CRISPLD2: variants seen among roughly 807,000 people sequenced by gnomAD.
CRISPLD2 encodes cysteine-rich secretory protein LCCL domain-containing 2.
A neutral mutation model predicts 71.1 loss-of-function variants in CRISPLD2; 47 were observed. The ratio of observed to expected loss-of-function variants is 0.66; its 90% CI spans 0.52 to 0.84. The LOEUF is 0.84. Among genes scored for constraint, CRISPLD2 ranks in the 40% least tolerant of loss-of-function variants. The pLI, the probability that CRISPLD2 is intolerant of heterozygous loss-of-function variation, is 0.00. For synonymous variants in CRISPLD2, 317 were observed against 250.1 expected (o/e 1.27, Z -2.52); for missense variants, 830 against 651.1 (o/e 1.27, Z -2.99).
At chr16:84,863,886 G>A (rs1192862082) in intron 6 of CRISPLD2, among the ~76,000 whole-genome samples, 2 of 148,286 alleles carry the variant, frequency 1.3e-5, no homozygotes, top group African/African-American at 5.0e-5. Context: ...GAACCCGGGC[G>A]GCGGAGGTTG....
Position 84,906,725 on chromosome 16 carries a change from T to C in CRISPLD2, c.*83T>C. 1 of 1,494,318 alleles carries C rather than the reference T, an allele frequency of 6.7e-7. No homozygotes were observed. The highest frequency in any genetic ancestry group is 9.3e-7 in the Non-Finnish European group (1 of 1,071,604). 92.6% of individuals were successfully genotyped at this position (1,494,318 alleles called of 1,614,324 possible). On this transcript the variant is annotated 3_prime_UTR_variant, in exon 15 of 15. Coordinates refer to ENST00000262424, the MANE Select transcript of CRISPLD2 (RefSeq NM_031476.4). ...ATTTTTATTTTGTCATTGCGGGGTATATGGAGAGTCAGGAAACTTCCTTTG... is the reference window on the plus strand; with the variant it reads ...ATTTTTATTTTGTCATTGCGGGGTACATGGAGAGTCAGGAAACTTCCTTTG...
chr16:84,852,847 G>A (rs745860684), intron 5 of CRISPLD2, among the ~76,000 whole-genome samples: 2 of 152,138 alleles, frequency 1.3e-5, no homozygotes, highest in South Asian at 2.1e-4. Context: ...CAGGAGAATC[G>A]CTTGAGTCCA....
At chr16:84,880,690 G>A in intron 13 of CRISPLD2, 106 bp downstream of exon 13, 1 of 666,778 alleles carries the variant, frequency 1.5e-6, no homozygotes, top group Non-Finnish European at 2.6e-6. Flanking sequence ...GTGCCTCTTA[G>A]CTAAATTAAT....
chr16:84,828,679 TC>T (rs1388456327), intron 1 of CRISPLD2, among the ~76,000 whole-genome samples: 1 of 152,088 alleles, frequency 6.6e-6, no homozygotes, highest in East Asian at 1.9e-4. Flanking sequence ...TATTACCTGG[TC>T]CCTTAAAAGT....
At chr16:84,905,705 C>G (rs1324244878) in intron 14 of CRISPLD2, among the ~76,000 whole-genome samples, 2 of 100,686 alleles carry the variant, frequency 2.0e-5, no homozygotes, top group Non-Finnish European at 3.8e-5. Flanking sequence ...ACCAATAAAG[C>G]TCTTTTTTTT....
intron 13 of CRISPLD2, among the ~76,000 whole-genome samples, chr16:84,885,797 A>G (rs1160263182): frequency 6.8e-6 from 1 of 147,990 alleles, no homozygotes; most frequent in East Asian, 2.0e-4. Context: ...TTAATGTGGG[A>G]ATGTTGGATC....
chr16:84,866,782 C>T, intron 6 of CRISPLD2, 115 bp from the exon 7 acceptor site: 2 of 1,004,136 alleles, frequency 2.0e-6, no homozygotes, highest in Admixed American at 4.6e-5. Context: ...TGAAATGATT[C>T]TTTGTAAAAC....
intron 8 of CRISPLD2, 81 bp from the exon 9 acceptor site, chr16:84,872,361 C>T (rs1040799855): frequency 6.4e-5 from 73 of 1,149,468 alleles, no homozygotes; most frequent in Non-Finnish European, 7.7e-5. Flanking sequence ...ATAGAGCCAT[C>T]GATGAAAAAA....
In CRISPLD2 at chr16:84,903,726, A is replaced by G. The variant is rs186761825; in HGVS notation, c.1440-2862A>G. Among the ~76,000 whole-genome samples the G allele has an allele frequency of 4.8e-4, 73 of 152,382 alleles. No individual in the cohort carries two copies. In the East Asian group the frequency reaches 0.013, roughly 26 times the overall value. On this transcript the variant is annotated intron_variant, in intron 14 of 14. Transcript: ENST00000262424. ...GGTGAGATTTGCAGAATGCCAAAGC[A>G]GGATGCATGGGAAATCTTATTCCCA... is the stretch of plus-strand genomic sequence containing the variant.
In CRISPLD2 at chr16:84,824,163, G is replaced by T. The variant is rs55792530; in HGVS notation, c.-75+4030G>T. ...CGAGGGTGCCCCAGGCAGAGGCACC[G>T]TGTGTGTGCAAAGGCCTGCAGGTGG... On this transcript the variant is annotated intron_variant, in intron 1 of 14. Coordinates refer to ENST00000262424, the MANE Select transcript of CRISPLD2 (RefSeq NM_031476.4). Among the ~76,000 whole-genome samples the T allele has an allele frequency of 2.2e-3, 338 of 152,278 alleles. 2 individuals carry two copies. Among genetic ancestry groups the T allele is most frequent in the African/African-American group, 7.7e-3 (322 of 41,550 alleles).
intron 6 of CRISPLD2, among the ~76,000 whole-genome samples, chr16:84,861,105 A>T (rs1917367114): frequency 6.6e-6 from 1 of 152,198 alleles, no homozygotes; most frequent in African/African-American, 2.4e-5. Context: ...TTTATTGTGC[A>T]TAACTCTCCA....
At chr16:84,873,832 A>G (rs917543712) in intron 10 of CRISPLD2, 88 bp from the exon 11 acceptor site, 5 of 1,224,912 alleles carry the variant, frequency 4.1e-6, no homozygotes, top group East Asian at 2.4e-5. Flanking sequence ...TGCAAATAAG[A>G]TAAGTATAGG....
intron 13 of CRISPLD2, among the ~76,000 whole-genome samples, chr16:84,885,566 AC>A (rs1196435740): frequency 2.6e-5 from 4 of 151,962 alleles, no homozygotes; most frequent in Non-Finnish European, 5.9e-5. Flanking sequence ...GATACCCGGG[AC>A]CCCGCTTTGG....
At chr16:84,889,814 G>A (rs1192366638) in intron 14 of CRISPLD2, among the ~76,000 whole-genome samples, 1 of 148,194 alleles carries the variant, frequency 6.7e-6, no homozygotes, top group South Asian at 2.2e-4. Context: ...CAAAAAAATG[G>A]GATCAAATGA....
chr16:84,860,843 C>T (rs1251214026), intron 6 of CRISPLD2, among the ~76,000 whole-genome samples: 1 of 152,204 alleles, frequency 6.6e-6, no homozygotes, highest in Non-Finnish European at 1.5e-5. Context: ...TCCACAATTT[C>T]AGCTCTTTCT....
intron 13 of CRISPLD2, among the ~76,000 whole-genome samples, chr16:84,884,182 T>A (rs1283293309): frequency 1.3e-5 from 2 of 152,162 alleles, no homozygotes; most frequent in Non-Finnish European, 2.9e-5. Flanking sequence ...TCTTCCTCAC[T>A]GTCATCACCC....
intron 10 of CRISPLD2, 100 bp downstream of exon 10, chr16:84,873,222 C>T: frequency 2.9e-6 from 4 of 1,372,846 alleles, no homozygotes; most frequent in Non-Finnish European, 2.9e-6. Flanking sequence ...CGTGGTGGCT[C>T]ACACCTGCAC....
chr16:84,895,068 C>G (rs1317079054), intron 14 of CRISPLD2, among the ~76,000 whole-genome samples: 2 of 152,244 alleles, frequency 1.3e-5, no homozygotes, highest in Admixed American at 1.3e-4. Flanking sequence ...GGCAGGTTCC[C>G]CTCCTCCACT....
At chr16:84,903,812 C>T (rs565023908) in intron 14 of CRISPLD2, among the ~76,000 whole-genome samples, 28 of 152,148 alleles carry the variant, frequency 1.8e-4, no homozygotes, top group Non-Finnish European at 2.8e-4. Context: ...AGTCATACAA[C>T]GAACAGGGAG....
Sources: gnomAD v4.1 joint callset for allele counts (sites outside exome capture counted in the v4.1 genomes callset) on GRCh38, gnomAD v4.1.1 for gene constraint, MANE v1.5 for transcripts, NCBI Gene and HGNC (gene_info 2026-07-23, HGNC 2026-07-21) for gene names.